The following LRRD1 variants were observed in gnomAD, a reference collection of about 807,000 sequenced individuals.
LRRD1 encodes leucine-rich repeat and death domain-containing protein 1.
LRRD1 carries 49 observed loss-of-function variants against 69.5 expected under a neutral mutation model. That is an observed-to-expected ratio of 0.70 (90% confidence interval 0.56 to 0.89). LRRD1 has a LOEUF of 0.89. Ranked by LOEUF, LRRD1 falls within the 40% of genes least tolerant of loss-of-function variation. The probability of loss-of-function intolerance (pLI) is 0.00; values close to 1 mark genes in which losing one functional copy is unlikely to be tolerated. For synonymous variants in LRRD1, 303 were observed against 338.9 expected (o/e 0.89, Z 1.16); for missense variants, 853 against 956.0 (o/e 0.89, Z 1.42).
At chr7:92,175,581 A>C (rs1789175995) in intron 1 of LRRD1, among the ~76,000 whole-genome samples, 1 of 152,108 alleles carries the variant, frequency 6.6e-6, no homozygotes. Flanking sequence ...CCATTGAGGC[A>C]GAGGTTGCAG....
intron 4 of LRRD1, among the ~76,000 whole-genome samples, chr7:92,146,614 C>CAAAAAAAAAAATAAAA (rs1820330475): frequency 7.6e-6 from 1 of 130,846 alleles, no homozygotes. Flanking sequence ...AAGACTGTCT[C>CAAAAAAAAAAATAAAA]AAAAAAAAAA....
At position 92,164,659 on chromosome 7, in the gene LRRD1, C is replaced by A. The variant is rs751469952; in HGVS notation, c.544G>T (p.Ala182Ser). Residue 182 changes from alanine (A) to serine (S), a missense_variant, in exon 2 of 6, where the codon GCA (alanine) becomes TCA (serine). This residue lies in a region of LRRD1 where 739 missense variants were observed against 808.0 expected (regional missense o/e 0.91). Coordinates refer to ENST00000458448, the MANE Select transcript of LRRD1 (RefSeq NM_001161528.2). The part of the protein sequence containing the change: ...DKNQIKTFQG[A>S]DSGDLLGLEI... The stretch of plus-strand genomic sequence containing the variant: ...AGTCCTAACAGATCACCTGAGTCTG[C>A]CCCTTGAAATGTTTTGATTTGATTC... The A allele has an allele frequency of 1.9e-6, 3 of 1,551,600 alleles. No homozygotes were observed. The highest frequency in any genetic ancestry group is 2.6e-6 in the Non-Finnish European group (3 of 1,146,894).
chr7:92,178,538 C>CG (rs1289534983), intron 1 of LRRD1, among the ~76,000 whole-genome samples: 2 of 151,880 alleles, frequency 1.3e-5, no homozygotes, highest in Non-Finnish European at 2.9e-5. Context: ...GTCGTGGCGG[C>CG]GCGCGCCTGT....
chr7:92,144,287 T>C (rs1182421627), downstream of LRRD1, among the ~76,000 whole-genome samples: 1 of 152,234 alleles, frequency 6.6e-6, no homozygotes, highest in Non-Finnish European at 1.5e-5. Context: ...TTGCTACTTA[T>C]AAATCGGGGG....
intron 2 of LRRD1, among the ~76,000 whole-genome samples, chr7:92,160,062 C>T (rs1788765820): frequency 6.6e-6 from 1 of 152,094 alleles, no homozygotes; most frequent in African/African-American, 2.4e-5. Context: ...CACAGTTTGG[C>T]AATGTGACCT....
chr7:92,163,718 A>C lies in LRRD1; in HGVS notation c.1485T>G (p.Asn495Lys). The change falls in exon 2 of 6, where the codon AAT becomes AAG. Residue 495 changes from asparagine to lysine, a missense_variant. Around this residue, in one of 3 missense-constraint regions of LRRD1, gnomAD observed 739 missense variants for 808.0 expected, o/e 0.91. Coordinates refer to ENST00000458448, the MANE Select transcript of LRRD1 (RefSeq NM_001161528.2). ...CAGGTATTTCTGAAATATAATTTCC[A>C]TTAACACTCAAATAATAAAGAGAAT... ...ALDSLYYLSVNGNYISEIPVD... is the reference protein window; with the variant it reads ...ALDSLYYLSVKGNYISEIPVD... 1 of 1,506,360 alleles carries C rather than the reference A, an allele frequency of 6.6e-7. No individual in the cohort carries two copies. 93.3% of individuals were successfully genotyped at this position (1,506,360 alleles called of 1,614,324 possible). A position where few individuals can be genotyped will look rare whatever the true frequency, so the allele number is the denominator to read the frequency against.
At chr7:92,165,673 T>A (rs546820056) in intron 1 of LRRD1, among the ~76,000 whole-genome samples, 26 of 151,956 alleles carry the variant, frequency 1.7e-4, no homozygotes, top group African/African-American at 5.8e-4. Context: ...CAGCCTGGCC[T>A]AACATGGCAA....
chr7:92,162,564 C>T (rs1788812977), intron 2 of LRRD1, among the ~76,000 whole-genome samples: 1 of 152,048 alleles, frequency 6.6e-6, no homozygotes, highest in Non-Finnish European at 1.5e-5. Flanking sequence ...AAATGCTAAG[C>T]TCTAAAAATG....
chr7:92,158,730 G>A (rs1419628567), intron 3 of LRRD1, among the ~76,000 whole-genome samples: 1 of 151,974 alleles, frequency 6.6e-6, no homozygotes, highest in Non-Finnish European at 1.5e-5. Flanking sequence ...GTGAGGTTGG[G>A]TTCAGAAAGG....
At chr7:92,169,020 G>A (rs1334249765) in intron 1 of LRRD1, among the ~76,000 whole-genome samples, 1 of 152,158 alleles carries the variant, frequency 6.6e-6, no homozygotes, top group East Asian at 1.9e-4. Context: ...CTGGGTTCAA[G>A]CAATTCTTGT....
At chr7:92,170,569 T>A (rs1013104432) in intron 1 of LRRD1, among the ~76,000 whole-genome samples, 1 of 152,240 alleles carries the variant, frequency 6.6e-6, no homozygotes, top group Non-Finnish European at 1.5e-5. Context: ...TTCTAATTTG[T>A]CTGGCAACAG....
At chr7:92,158,414 T>A (rs1788714231) in intron 3 of LRRD1, among the ~76,000 whole-genome samples, 1 of 152,106 alleles carries the variant, frequency 6.6e-6, no homozygotes, top group African/African-American at 2.4e-5. Flanking sequence ...TGTGTATATA[T>A]GTATATATGT....
At position 92,165,258 on chromosome 7, in the gene LRRD1, C is replaced by T. The variant is rs1788883510; in HGVS notation, c.-56G>A. The T allele has an allele frequency of 9.3e-7, 1 of 1,071,078 alleles. No individual in the cohort carries two copies. The highest frequency in any genetic ancestry group is 3.4e-5 in the Admixed American group (1 of 29,168). 66.3% of individuals were successfully genotyped at this position (1,071,078 alleles called of 1,614,324 possible). On this transcript the variant is annotated 5_prime_UTR_variant, in exon 2 of 6. It removes an upstream start codon present in the reference 5' UTR. Transcript: ENST00000458448. Reference sequence around the variant, plus strand: ...AAAATTGTAACTTGATTTTAATTTTCATGTTTTTTCCTTTGAATCTACAAA... The same window carrying T: ...AAAATTGTAACTTGATTTTAATTTTTATGTTTTTTCCTTTGAATCTACAAA...
intron 4 of LRRD1, chr7:92,150,024 T>C (rs1476663407): frequency 2.6e-6 from 1 of 384,982 alleles, no homozygotes; most frequent in African/African-American, 2.1e-5. Context: ...CTATTTTCAG[T>C]GCCTCAATTT....
At chr7:92,169,508 G>A (rs1238501185) in intron 1 of LRRD1, among the ~76,000 whole-genome samples, 9 of 151,334 alleles carry the variant, frequency 5.9e-5, no homozygotes, top group East Asian at 2.0e-4. Flanking sequence ...AAAATTAGCC[G>A]GGCGTGGTGG....
chr7:92,149,967 G>A (rs555628607), intron 4 of LRRD1: 2 of 451,852 alleles, frequency 4.4e-6, no homozygotes, highest in African/African-American at 2.0e-5. Flanking sequence ...AGGGCATTAA[G>A]GTCAATAGGG....
chr7:92,157,435 T>C (rs1788687200), intron 3 of LRRD1, among the ~76,000 whole-genome samples: 1 of 152,186 alleles, frequency 6.6e-6, no homozygotes, highest in Non-Finnish European at 1.5e-5. Flanking sequence ...CCAAGTAATG[T>C]CTTTGTCTTA....
intron 2 of LRRD1, among the ~76,000 whole-genome samples, chr7:92,161,383 G>T (rs1462179099): frequency 6.6e-6 from 1 of 152,234 alleles, no homozygotes. Context: ...TTGCAAATAT[G>T]TGGACTGTTG....
rs377660947 is a variant in LRRD1 at position 92,146,805 on chromosome 7, C to G, written c.2279-605G>C. 3.9e-4 allele frequency among the ~76,000 whole-genome samples: 59 copies of G among 151,120 alleles called. No individual in the cohort carries two copies. In the East Asian group the frequency reaches 9.9e-3, roughly 25 times the overall value. Reference sequence around the variant, plus strand: ...GGCGTGGTCGCACATGCCTGTAATCCCAGCTACTCGGGAGGCTGAGGTAGG... The same window carrying G: ...GGCGTGGTCGCACATGCCTGTAATCGCAGCTACTCGGGAGGCTGAGGTAGG... On this transcript the variant is annotated intron_variant, in intron 4 of 5. Transcript: ENST00000458448.
Sources: allele counts gnomAD v4.1 joint callset (sites outside exome capture counted in the v4.1 genomes callset), GRCh38; gene constraint gnomAD v4.1.1; regional missense constraint gnomAD v4.1.1; transcripts MANE v1.5; gene names NCBI Gene and HGNC (gene_info 2026-07-23, HGNC 2026-07-21).